The following RASSF8 variants were observed in gnomAD, a reference collection of about 807,000 sequenced individuals.
The protein encoded by RASSF8 is ras association domain-containing protein 8.
RASSF8 carries 22 observed loss-of-function variants against 48.5 expected under a neutral mutation model. The ratio of observed to expected loss-of-function variants is 0.45; its 90% CI spans 0.32 to 0.65. The LOEUF (loss-of-function observed/expected upper bound fraction) is 0.65. Ranked by LOEUF, RASSF8 falls within the 30% of genes least tolerant of loss-of-function variation. The probability of loss-of-function intolerance (pLI) is 0.03; values close to 1 mark genes in which losing one functional copy is unlikely to be tolerated. For missense variants in RASSF8, 418 were observed against 489.2 expected (o/e 0.85, Z 1.37); for synonymous variants, 127 against 171.5 (o/e 0.74, Z 2.03).
At chr12:26,027,188 T>C (rs1340506363) in intron 2 of RASSF8, among the ~76,000 whole-genome samples, 1 of 152,158 alleles carries the variant, frequency 6.6e-6, no homozygotes, top group East Asian at 1.9e-4. Flanking sequence ...GGCTGGGGAT[T>C]TGATGGGAAA....
chr12:26,061,549 TG>T (rs200605966), intron 3 of RASSF8, among the ~76,000 whole-genome samples: 7,971 of 151,730 alleles, frequency 0.053, 261 homozygotes, highest in East Asian at 0.11. Context: ...AAACTACAAA[TG>T]CCATAGATAG....
intron 2 of RASSF8, among the ~76,000 whole-genome samples, chr12:26,047,465 A>G (rs915264511): frequency 6.6e-6 from 1 of 152,152 alleles, no homozygotes; most frequent in Admixed American, 6.5e-5. Flanking sequence ...TGTAAAACTT[A>G]ATCATTTAAT....
intron 1 of RASSF8, among the ~76,000 whole-genome samples, chr12:25,985,882 AC>A (rs1254456676): frequency 6.6e-6 from 1 of 152,202 alleles, no homozygotes; most frequent in Non-Finnish European, 1.5e-5. Flanking sequence ...TAGCAGGGAC[AC>A]CTGGGACATA....
chr12:25,997,481 G>A (rs1942160056), intron 2 of RASSF8, among the ~76,000 whole-genome samples: 1 of 152,072 alleles, frequency 6.6e-6, no homozygotes, highest in Non-Finnish European at 1.5e-5. Context: ...GTGTGTGAGT[G>A]TATGTGTTTT....
intron 2 of RASSF8, among the ~76,000 whole-genome samples, chr12:26,018,434 C>G (rs916245259): frequency 2.6e-5 from 4 of 151,640 alleles, no homozygotes; most frequent in Admixed American, 6.6e-5. Context: ...TTTTTATTGA[C>G]AGATAAAATT....
chr12:25,959,420 C>T (rs1372366601), intron 1 of RASSF8: 1 of 152,258 alleles, frequency 6.6e-6, no homozygotes, highest in African/African-American at 2.4e-5. Flanking sequence ...TGCTTCCTCC[C>T]AGTGTCCTTG....
At chr12:26,073,752 C>CTCT (rs752383527), downstream of RASSF8, among the ~76,000 whole-genome samples, 4,476 of 97,774 alleles carry the variant, frequency 0.046, 100 homozygotes, top group East Asian at 0.076. Flanking sequence ...TCTCTATACA[C>CTCT]ACACACACAC....
At chr12:25,976,319 G>A (rs2136885481) in intron 1 of RASSF8, among the ~76,000 whole-genome samples, 1 of 152,340 alleles carries the variant, frequency 6.6e-6, no homozygotes, top group South Asian at 2.1e-4. Context: ...ATCATACTGA[G>A]TGCAGGTGGA....
At chr12:26,027,650 T>G (rs1942944844) in intron 2 of RASSF8, among the ~76,000 whole-genome samples, 2 of 152,240 alleles carry the variant, frequency 1.3e-5, no homozygotes, top group African/African-American at 4.8e-5. Flanking sequence ...GAGCTGAGAA[T>G]TTCCTGGAGA....
At chr12:26,002,873 C>T (rs576854088) in intron 2 of RASSF8, among the ~76,000 whole-genome samples, 3 of 152,264 alleles carry the variant, frequency 2.0e-5, no homozygotes, top group African/African-American at 7.2e-5. Context: ...TTCAATTTTC[C>T]TCATTTAGTA....
chr12:26,014,431 A>C (rs1942599533), intron 2 of RASSF8, among the ~76,000 whole-genome samples: 1 of 152,208 alleles, frequency 6.6e-6, no homozygotes, highest in Non-Finnish European at 1.5e-5. Context: ...TTGGGAAATA[A>C]TAAATACGAT....
At chr12:26,037,120 C>G (rs193012443) in intron 2 of RASSF8, among the ~76,000 whole-genome samples, 1 of 152,076 alleles carries the variant, frequency 6.6e-6, no homozygotes, top group African/African-American at 2.4e-5. Flanking sequence ...CTATAAAAGC[C>G]GTAAAGATTA....
intron 1 of RASSF8, among the ~76,000 whole-genome samples, chr12:25,966,735 TCA>T: frequency 6.6e-6 from 1 of 152,372 alleles, no homozygotes; most frequent in South Asian, 2.1e-4. Context: ...AGTTTGTGTC[TCA>T]TCGTTTTCTT....
At position 26,070,014 on chromosome 12, in the gene RASSF8, C is replaced by G. The variant is rs1443741495; in HGVS notation, c.*1196C>G. ...TGTAAAACCAAATATGACTCAACAC[C>G]TTTTTGATGAGTAGTGACTTAACTA... is the stretch of plus-strand genomic sequence containing the variant. On this transcript the variant is annotated 3_prime_UTR_variant, in exon 6 of 6. Transcript: ENST00000689635. 1 of 977,602 alleles carries G rather than the reference C, an allele frequency of 1.0e-6. No individual in the cohort carries two copies. Among genetic ancestry groups the G allele is most frequent in the African/African-American group, 1.8e-5 (1 of 57,018 alleles). The allele number at this position is 977,602 out of a possible 1,614,324, so 60.6% of individuals were successfully genotyped here.
In RASSF8 at chr12:25,959,197, C is replaced by T. The variant is rs528274388; in HGVS notation, c.-203+49C>T. The T allele has an allele frequency of 2.3e-3, 356 of 152,398 alleles. 2 individuals are homozygous for T. Among genetic ancestry groups the T allele is most frequent in the South Asian group, 0.011 (52 of 4,834 alleles). 9.4% of individuals were successfully genotyped at this position (152,398 alleles called of 1,614,324 possible). A position where few individuals can be genotyped will look rare whatever the true frequency, so the allele number is the denominator to read the frequency against. On this transcript the variant is annotated intron_variant, in intron 1 of 5. Transcript: ENST00000689635. The stretch of plus-strand genomic sequence containing the variant: ...GCGGCGATCCGGGCTGCGCCGGGGA[C>T]CCCGCCCGTCCCGCCTGCAGCCTCG...
chr12:25,992,787 C>G (rs1426307231), intron 1 of RASSF8, among the ~76,000 whole-genome samples: 1 of 152,192 alleles, frequency 6.6e-6, no homozygotes, highest in Non-Finnish European at 1.5e-5. Context: ...ACCGTTTTCA[C>G]TTAAGCCTCT....
chr12:26,040,933 G>A (rs1943251027), intron 2 of RASSF8, among the ~76,000 whole-genome samples: 1 of 151,012 alleles, frequency 6.6e-6, no homozygotes, highest in Non-Finnish European at 1.5e-5. Context: ...TGTCTCCCAG[G>A]CTGGAGAGCA....
downstream of RASSF8, among the ~76,000 whole-genome samples, chr12:26,074,598 C>T (rs1944055235): frequency 6.6e-6 from 1 of 152,020 alleles, no homozygotes; most frequent in Non-Finnish European, 1.5e-5. Context: ...CCGCCTCGTC[C>T]TCCCAAAATG....
intron 2 of RASSF8, among the ~76,000 whole-genome samples, chr12:26,026,371 C>T (rs1565625456): frequency 6.6e-6 from 1 of 152,138 alleles, no homozygotes; most frequent in African/African-American, 2.4e-5. Flanking sequence ...ACGTTATTAG[C>T]CTTCAGAGAA....
Sources: allele counts gnomAD v4.1 joint callset (sites outside exome capture counted in the v4.1 genomes callset), GRCh38; gene constraint gnomAD v4.1.1; transcripts MANE v1.5; gene names NCBI Gene and HGNC (gene_info 2026-07-23, HGNC 2026-07-21).